Variants in KCNH1 observed in about 807,000 individuals in gnomAD.
KCNH1 encodes potassium voltage-gated channel subfamily H member 1.
KCNH1 carries 27 observed loss-of-function variants against 69.2 expected under a neutral mutation model. That is an observed-to-expected ratio of 0.39 (90% confidence interval 0.29 to 0.54). The LOEUF is 0.54. KCNH1 is among the 20% of genes least tolerant of loss of function. The probability of loss-of-function intolerance (pLI) is 0.68; values close to 1 mark genes in which losing one functional copy is unlikely to be tolerated. For synonymous variants in KCNH1, 456 were observed against 487.7 expected (o/e 0.93, Z 0.86); for missense variants, 798 against 1,261.6 (o/e 0.63, Z 5.57).
chr1:210,907,748 G>T (rs928620875), intron 7 of KCNH1, among the ~76,000 whole-genome samples: 1 of 152,156 alleles, frequency 6.6e-6, no homozygotes, highest in Non-Finnish European at 1.5e-5. Flanking sequence ...GGGGGTGGGG[G>T]TTCACATAGC....
intron 6 of KCNH1, among the ~76,000 whole-genome samples, chr1:210,946,328 T>G (rs1501559): frequency 6.6e-6 from 1 of 151,758 alleles, no homozygotes; most frequent in Non-Finnish European, 1.5e-5. Flanking sequence ...AGCATGTGTA[T>G]CCATGCTGCC....
At chr1:210,804,900 T>C (rs1423495224) in intron 7 of KCNH1, among the ~76,000 whole-genome samples, 2 of 152,178 alleles carry the variant, frequency 1.3e-5, no homozygotes, top group Non-Finnish European at 2.9e-5. Context: ...CTTTGAGACA[T>C]AGCAAGTGTG....
intron 5 of KCNH1, among the ~76,000 whole-genome samples, chr1:211,081,364 T>C (rs1032907640): frequency 1.3e-5 from 2 of 152,222 alleles, no homozygotes; most frequent in African/African-American, 4.8e-5. Context: ...TTCTACACTG[T>C]TGGTGGGACT....
chr1:210,874,724 A>G (rs187368737), intron 7 of KCNH1, among the ~76,000 whole-genome samples: 1 of 152,354 alleles, frequency 6.6e-6, no homozygotes, highest in African/African-American at 2.4e-5. Flanking sequence ...ATAGCAGCAT[A>G]CATACATATA....
chr1:210,715,462 T>C (rs994491607), intron 10 of KCNH1, among the ~76,000 whole-genome samples: 1 of 150,102 alleles, frequency 6.7e-6, no homozygotes, highest in Non-Finnish European at 1.5e-5. Context: ...AGGCCAGGAG[T>C]TCAAGACCAG....
chr1:210,795,963 AC>A (rs1684304676), intron 9 of KCNH1, among the ~76,000 whole-genome samples: 8 of 28,136 alleles, frequency 2.8e-4, no homozygotes, highest in African/African-American at 1.4e-3. Context: ...TCTACTAAAA[AC>A]ACACACACAC....
At chr1:210,839,578 G>A (rs368554352) in intron 7 of KCNH1, among the ~76,000 whole-genome samples, 1 of 152,078 alleles carries the variant, frequency 6.6e-6, no homozygotes, top group East Asian at 1.9e-4. Context: ...GTGTACCCCT[G>A]AACTTAAAAG....
At chr1:210,907,420 A>C (rs1314880446) in intron 7 of KCNH1, among the ~76,000 whole-genome samples, 2 of 152,060 alleles carry the variant, frequency 1.3e-5, no homozygotes, top group Non-Finnish European at 2.9e-5. Context: ...GTCTAGGAAC[A>C]TTGGTATCGG....
intron 7 of KCNH1, among the ~76,000 whole-genome samples, chr1:210,883,653 T>C (rs755582341): frequency 2.0e-5 from 3 of 152,242 alleles, no homozygotes; most frequent in Non-Finnish European, 4.4e-5. Context: ...TTATACTTCA[T>C]AGTGTTATTG....
At chr1:211,018,130 A>G (rs1387106066) in intron 6 of KCNH1, among the ~76,000 whole-genome samples, 2 of 152,020 alleles carry the variant, frequency 1.3e-5, no homozygotes, top group Non-Finnish European at 2.9e-5. Context: ...CCTGGTCCTA[A>G]ATCTTCCAGC....
At chr1:210,959,045 A>G (rs568866207) in intron 6 of KCNH1, among the ~76,000 whole-genome samples, 1 of 152,228 alleles carries the variant, frequency 6.6e-6, no homozygotes, top group Non-Finnish European at 1.5e-5. Flanking sequence ...CCATCTTTGT[A>G]GTTTTTATCT....
At chr1:211,022,154 A>C (rs994789257) in intron 5 of KCNH1, among the ~76,000 whole-genome samples, 4 of 152,146 alleles carry the variant, frequency 2.6e-5, no homozygotes, top group African/African-American at 9.7e-5. Context: ...CAGAACAGAG[A>C]ACCCAGAAAT....
At chr1:210,752,784 C>T (rs1683309046) in intron 10 of KCNH1, among the ~76,000 whole-genome samples, 1 of 152,070 alleles carries the variant, frequency 6.6e-6, no homozygotes, top group Non-Finnish European at 1.5e-5. Flanking sequence ...GGGTCCTAAA[C>T]CCTGGTACCT....
intron 6 of KCNH1, among the ~76,000 whole-genome samples, chr1:210,962,457 G>A (rs760547371): frequency 3.3e-5 from 5 of 151,930 alleles, no homozygotes; most frequent in Non-Finnish European, 4.4e-5. Flanking sequence ...CTTAAATAAT[G>A]TTATTTAGTT....
At chr1:210,772,538 C>T (rs1276029279) in intron 10 of KCNH1, among the ~76,000 whole-genome samples, 1 of 150,946 alleles carries the variant, frequency 6.6e-6, no homozygotes, top group Non-Finnish European at 1.5e-5. Context: ...AAAAGAATGG[C>T]TACCTCTTTA....
chr1:211,032,620 T>C (rs1319744984), intron 5 of KCNH1, among the ~76,000 whole-genome samples: 2 of 152,094 alleles, frequency 1.3e-5, no homozygotes, highest in African/African-American at 4.8e-5. Context: ...TATCTACAAC[T>C]ATCTGATCTT....
At chr1:210,986,894 C>T (rs535855964) in intron 6 of KCNH1, among the ~76,000 whole-genome samples, 1 of 152,204 alleles carries the variant, frequency 6.6e-6, no homozygotes, top group Non-Finnish European at 1.5e-5. Context: ...AACTTGGTTC[C>T]ATTCTCCCCA....
chr1:210,741,232 C>A (rs1056986625), intron 10 of KCNH1, among the ~76,000 whole-genome samples: 2 of 152,146 alleles, frequency 1.3e-5, no homozygotes, highest in African/African-American at 4.8e-5. Context: ...CAGAATATTG[C>A]AAACTTCTTT....
intron 7 of KCNH1, among the ~76,000 whole-genome samples, chr1:210,826,180 T>C (rs528372765): frequency 7.9e-5 from 12 of 152,222 alleles, no homozygotes; most frequent in Non-Finnish European, 1.5e-4. Flanking sequence ...TCCCCAAAGA[T>C]AGCCTGAGAA....
Sources: gnomAD v4.1 joint callset for allele counts (sites outside exome capture counted in the v4.1 genomes callset) on GRCh38, gnomAD v4.1.1 for gene constraint, MANE v1.5 for transcripts, NCBI Gene and HGNC (gene_info 2026-07-23, HGNC 2026-07-21) for gene names.